TENM2: variants seen among roughly 807,000 people sequenced by gnomAD.
The protein encoded by TENM2 is teneurin-2.
A neutral mutation model predicts 245.2 loss-of-function variants in TENM2; 52 were observed. That is an observed-to-expected ratio of 0.21 (90% CI 0.17 to 0.27). The LOEUF (loss-of-function observed/expected upper bound fraction) is 0.27. Among genes scored for constraint, TENM2 ranks in the 10% least tolerant of loss-of-function variants. The probability of loss-of-function intolerance (pLI) is 1.00; values close to 1 mark genes in which losing one functional copy is unlikely to be tolerated. For synonymous variants in TENM2, 1,363 were observed against 1,438.9 expected, an observed-to-expected ratio of 0.95 and a Z score of 1.19; for missense variants, 3,046 against 3,666.8, an observed-to-expected ratio of 0.83 and a Z score of 4.37.
the TENM2 span, among the ~76,000 whole-genome samples, chr5:167,107,369 A>G: frequency 5.3e-5 from 8 of 152,284 alleles, no homozygotes; most frequent in Non-Finnish European, 8.8e-5. Context: ...TGGAGTACAT[A>G]TATTTGGTTT....
chr5:167,569,931 G>T (rs1549213), intron 2 of TENM2, among the ~76,000 whole-genome samples: 5 of 151,874 alleles, frequency 3.3e-5, no homozygotes, highest in Non-Finnish European at 7.4e-5. Flanking sequence ...TGATACATCC[G>T]AGAGCACTGT....
At chr5:168,242,307 C>T (rs1766169118) in intron 25 of TENM2, among the ~76,000 whole-genome samples, 1 of 152,182 alleles carries the variant, frequency 6.6e-6, no homozygotes. Context: ...TTCCTTGTCC[C>T]ACCCCCTCAC....
At chr5:167,915,287 G>T (rs1023541972) in intron 3 of TENM2, among the ~76,000 whole-genome samples, 2 of 152,118 alleles carry the variant, frequency 1.3e-5, no homozygotes, top group African/African-American at 4.8e-5. Flanking sequence ...TGTCAGAAAG[G>T]GTTGTAGTCC....
At chr5:167,008,096 T>A in the TENM2 span, among the ~76,000 whole-genome samples, 1 of 152,298 alleles carries the variant, frequency 6.6e-6, no homozygotes, top group Middle Eastern at 3.4e-3. Flanking sequence ...TAAATCATTT[T>A]TACAGGAATG....
chr5:167,899,847 G>T (rs2151507931), intron 3 of TENM2, among the ~76,000 whole-genome samples: 1 of 152,252 alleles, frequency 6.6e-6, no homozygotes, highest in East Asian at 1.9e-4. Flanking sequence ...CGAAAGAACG[G>T]CATCCGACTC....
At chr5:168,013,807 G>C (rs901564926) in intron 5 of TENM2, among the ~76,000 whole-genome samples, 21 of 152,314 alleles carry the variant, frequency 1.4e-4, no homozygotes, top group African/African-American at 5.1e-4. Flanking sequence ...GTCTCCTATG[G>C]TTCTGGAGGC....
At chr5:167,367,103 C>G (rs973189038) in intron 1 of TENM2, among the ~76,000 whole-genome samples, 2 of 152,080 alleles carry the variant, frequency 1.3e-5, no homozygotes, top group African/African-American at 2.4e-5. Flanking sequence ...AGAATGCCAC[C>G]TTCACCTTTT....
the TENM2 span, among the ~76,000 whole-genome samples, chr5:167,090,311 C>A: frequency 6.6e-6 from 1 of 150,390 alleles, no homozygotes; most frequent in African/African-American, 2.4e-5. Flanking sequence ...ATTCAGTCTC[C>A]CTAGCAACAG....
intron 4 of TENM2, among the ~76,000 whole-genome samples, chr5:167,973,605 C>T (rs752781812): frequency 6.6e-6 from 1 of 152,176 alleles, no homozygotes; most frequent in African/African-American, 2.4e-5. Context: ...TCCAACCTAC[C>T]TGGTCAGGGA....
exon 29 of TENM2, chr5:168,262,102 T>C: frequency 6.2e-7 from 1 of 1,613,926 alleles, no homozygotes; most frequent in Non-Finnish European, 8.5e-7. Flanking sequence ...CCTTCATGGC[T>C]CTGGAAGGAC....
intron 2 of TENM2, among the ~76,000 whole-genome samples, chr5:167,385,309 T>C (rs1761351227): frequency 6.6e-6 from 1 of 152,074 alleles, no homozygotes; most frequent in African/African-American, 2.4e-5. Context: ...TATGTCTCCC[T>C]TCTTATCTCT....
At chr5:167,680,112 A>G (rs981704676) in intron 2 of TENM2, among the ~76,000 whole-genome samples, 7 of 152,056 alleles carry the variant, frequency 4.6e-5, no homozygotes, top group African/African-American at 1.7e-4. Flanking sequence ...GTGCTCCCAT[A>G]GGCTTTGCAG....
the TENM2 span, among the ~76,000 whole-genome samples, chr5:167,224,626 T>A: frequency 4.6e-5 from 7 of 152,018 alleles, no homozygotes; most frequent in African/African-American, 1.7e-4. Flanking sequence ...TAGTGTGATG[T>A]CTCTAGCCTT....
At chr5:168,191,262 G>C (rs1289431168) in intron 14 of TENM2, among the ~76,000 whole-genome samples, 1 of 152,186 alleles carries the variant, frequency 6.6e-6, no homozygotes, top group Non-Finnish European at 1.5e-5. Flanking sequence ...TGTGCTCCTG[G>C]AGAAGAGAGC....
intron 2 of TENM2, among the ~76,000 whole-genome samples, chr5:167,467,201 C>T (rs1401532449): frequency 3.3e-5 from 5 of 152,036 alleles, no homozygotes; most frequent in East Asian, 3.9e-4. Context: ...GCTGTTCTCG[C>T]GATAGTGAGT....
chr5:168,237,006 T>A lies in TENM2; in HGVS notation c.5521-7414T>A, dbSNP rs1449331360. On this transcript the variant is annotated intron_variant, in intron 25 of 28. Coordinates refer to ENST00000518659, the Ensembl canonical transcript of TENM2. ...TATATATATATATATATATATTTTT[T>A]TTTTTTTTTTTTTTTTTTTTTTTTT... Among the ~76,000 whole-genome samples, 32 of 29,852 alleles carry A rather than the reference T, an allele frequency of 1.1e-3. No individual in the cohort carries two copies. In the South Asian group the frequency reaches 0.012, roughly 11 times the overall value. 19.6% of individuals were successfully genotyped at this position (29,852 alleles called of 152,430 possible).
At chr5:167,051,433 G>A in the TENM2 span, among the ~76,000 whole-genome samples, 7 of 149,516 alleles carry the variant, frequency 4.7e-5, no homozygotes, top group Non-Finnish European at 4.5e-5. Context: ...TGAATTGGGA[G>A]AAAAAAAAAA....
chr5:167,485,690 C>T (rs1267934035), intron 2 of TENM2, among the ~76,000 whole-genome samples: 1 of 151,960 alleles, frequency 6.6e-6, no homozygotes, highest in African/African-American at 2.4e-5. Context: ...TATGAAGAAC[C>T]CTGCCACTAT....
chr5:167,299,760 G>A (rs1391966881), intron 1 of TENM2, among the ~76,000 whole-genome samples: 3 of 152,108 alleles, frequency 2.0e-5, no homozygotes, highest in Non-Finnish European at 4.4e-5. Flanking sequence ...TCAGAGAGAT[G>A]CAGTCATGAG....
Sources: allele counts gnomAD v4.1 joint callset (sites outside exome capture counted in the v4.1 genomes callset), GRCh38; gene constraint gnomAD v4.1.1; transcripts MANE v1.5; gene names NCBI Gene and HGNC (gene_info 2026-07-23, HGNC 2026-07-21).